The following XNDC1N variants were observed in gnomAD, a reference collection of about 807,000 sequenced individuals.
The protein encoded by XNDC1N is protein XNDC1N.
chr11:71,908,872 G>A, the XNDC1N span, among the ~76,000 whole-genome samples: 1 of 152,146 alleles, frequency 6.6e-6, no homozygotes, highest in Non-Finnish European at 1.5e-5. Context: ...CAGTTGCCAG[G>A]AACCGACCCT....
At chr11:71,874,913 A>T in the XNDC1N span, among the ~76,000 whole-genome samples, 1 of 152,116 alleles carries the variant, frequency 6.6e-6, no homozygotes, top group Non-Finnish European at 1.5e-5. Context: ...AATAGTGTAT[A>T]CTAAGATTCT....
the XNDC1N span, chr11:71,917,564 T>G: frequency 1.4e-6 from 1 of 703,728 alleles, no homozygotes; most frequent in East Asian, 2.7e-5. Flanking sequence ...TCTTTAGTAC[T>G]GCATCTCTGT....
chr11:71,876,065 A>G, the XNDC1N span, among the ~76,000 whole-genome samples: 288 of 152,248 alleles, frequency 1.9e-3, 1 homozygote, highest in African/African-American at 6.6e-3. Context: ...CGGCATCAAC[A>G]AGAAGAAAAA....
chr11:71,887,691 C>A, the XNDC1N span, among the ~76,000 whole-genome samples: 2 of 152,330 alleles, frequency 1.3e-5, no homozygotes, highest in East Asian at 3.9e-4. Context: ...CCTTGTCGGT[C>A]TCCATGGAAC....
At chr11:71,907,476 C>A in the XNDC1N span, among the ~76,000 whole-genome samples, 2 of 46,860 alleles carry the variant, frequency 4.3e-5, no homozygotes, top group African/African-American at 7.2e-5. Flanking sequence ...TCTTGCCCCC[C>A]CTGGCTCTTA....
chr11:71,875,187 CTGTTT>C, the XNDC1N span, among the ~76,000 whole-genome samples: 1 of 151,844 alleles, frequency 6.6e-6, no homozygotes, highest in Non-Finnish European at 1.5e-5. Context: ...GTAAAAATTA[CTGTTT>C]TGGAGTATTT....
the XNDC1N span, chr11:71,903,221 A>G: frequency 1.2e-3 from 1,009 of 821,986 alleles, no homozygotes; most frequent in African/African-American, 0.015. Flanking sequence ...AGATGTCTCT[A>G]TATTCCTTCT....
chr11:71,884,397 C>G, the XNDC1N span: 1 of 1,566,922 alleles, frequency 6.4e-7, no homozygotes, highest in African/African-American at 1.4e-5. Context: ...TTTGTCTTCT[C>G]TTTTTAAAGC....
At chr11:71,919,036 AGAG>A in the XNDC1N span, 3 of 702,408 alleles carry the variant, frequency 4.3e-6, no homozygotes, top group Middle Eastern at 4.6e-4. Context: ...CCTAAGTAAG[AGAG>A]GAGGAGAAAA....
the XNDC1N span, among the ~76,000 whole-genome samples, chr11:71,899,165 G>A: frequency 2.0e-5 from 3 of 152,174 alleles, no homozygotes; most frequent in African/African-American, 7.2e-5. Context: ...CCAGGCCACA[G>A]AATAGTAAAT....
the XNDC1N span, among the ~76,000 whole-genome samples, chr11:71,887,806 T>A: frequency 6.6e-6 from 1 of 152,226 alleles, no homozygotes; most frequent in Non-Finnish European, 1.5e-5. Context: ...CAACAGTACC[T>A]AACCCGTCCA....
the XNDC1N span, among the ~76,000 whole-genome samples, chr11:71,910,515 C>T: frequency 6.6e-6 from 1 of 152,122 alleles, no homozygotes; most frequent in South Asian, 2.1e-4. Context: ...CAGGAGAGAC[C>T]TAGGCTGCGT....
the XNDC1N span, among the ~76,000 whole-genome samples, chr11:71,873,224 C>T: frequency 6.6e-6 from 1 of 152,070 alleles, no homozygotes; most frequent in Non-Finnish European, 1.5e-5. Context: ...TTCATACTTT[C>T]ATGAATTCTA....
At chr11:71,893,824 A>G in the XNDC1N span, 4,812 of 996,632 alleles carry the variant, frequency 4.8e-3, 15 homozygotes, top group Non-Finnish European at 5.3e-3. Flanking sequence ...GACTGTGATG[A>G]CCTATGACTG....
the XNDC1N span, among the ~76,000 whole-genome samples, chr11:71,915,525 CA>C: frequency 6.6e-6 from 1 of 151,972 alleles, no homozygotes; most frequent in South Asian, 2.1e-4. Flanking sequence ...ACTGAAAAAC[CA>C]AAAAATGTGT....
the XNDC1N span, chr11:71,915,920 G>C: frequency 1.7e-6 from 1 of 584,710 alleles, no homozygotes; most frequent in African/African-American, 1.9e-5. Context: ...ACGCCTACCT[G>C]TAAGAAAGGG....
the XNDC1N span, among the ~76,000 whole-genome samples, chr11:71,895,444 G>A: frequency 6.6e-6 from 1 of 150,510 alleles, no homozygotes; most frequent in African/African-American, 2.4e-5. Flanking sequence ...CAAGTAGCTG[G>A]GATTACAGGC....
At chr11:71,893,125 A>G in the XNDC1N span, among the ~76,000 whole-genome samples, 23 of 152,316 alleles carry the variant, frequency 1.5e-4, no homozygotes, top group Non-Finnish European at 2.2e-4. Context: ...CTTTTTCTTC[A>G]AGAGAGAAGG....
At chr11:71,888,446 A>T in the XNDC1N span, among the ~76,000 whole-genome samples, 1 of 152,172 alleles carries the variant, frequency 6.6e-6, no homozygotes, top group African/African-American at 2.4e-5. Context: ...GATGCCAACA[A>T]CAGCAAGGCT....
Sources: allele counts gnomAD v4.1 joint callset (sites outside exome capture counted in the v4.1 genomes callset), GRCh38; gene constraint gnomAD v4.1.1; transcripts MANE v1.5; gene names NCBI Gene and HGNC (gene_info 2026-07-23, HGNC 2026-07-21).